Variants in MSI2 observed in about 807,000 individuals in gnomAD.
The protein encoded by MSI2 is musashi RNA binding protein 2.
MSI2 carries 17 observed loss-of-function variants against 45.6 expected under a neutral mutation model. The observed-to-expected ratio is 0.37, with a 90% CI of 0.26 to 0.56. MSI2 has a LOEUF of 0.56. MSI2 is among the 20% of genes least tolerant of loss of function. The pLI, the probability that MSI2 is intolerant of heterozygous loss-of-function variation, is 0.77. For synonymous variants in MSI2, 156 were observed against 158.2 expected (o/e 0.99, Z 0.11); for missense variants, 293 against 444.2 (o/e 0.66, Z 3.06).
intron 11 of MSI2, among the ~76,000 whole-genome samples, chr17:57,665,897 T>C (rs185253097): frequency 6.6e-6 from 1 of 152,292 alleles, no homozygotes; most frequent in East Asian, 1.9e-4. Flanking sequence ...GCAAGTCTGC[T>C]TATTCTTTGG....
chr17:57,316,939 G>GA (rs5821173), intron 5 of MSI2, among the ~76,000 whole-genome samples: 21,294 of 145,450 alleles, frequency 0.15, 2,914 homozygotes, highest in African/African-American at 0.35. Flanking sequence ...TTTGAGGCAG[G>GA]AAAAAAAAAA....
rs1913709255 is a variant in MSI2 at position 57,683,018 on chromosome 17, A to G, written c.*3501A>G. 1 of 229,748 alleles carries G rather than the reference A, an allele frequency of 4.4e-6. No individual in the cohort carries two copies. The highest frequency in any genetic ancestry group is 5.7e-5 in the Admixed American group (1 of 17,630). The allele number at this position is 229,748 out of a possible 1,614,324, so 14.2% of individuals were successfully genotyped here. A position where few individuals can be genotyped will look rare whatever the true frequency, so the allele number is the denominator to read the frequency against. ...CTGGGAACAAACAGCCTCGCGCTCTATACCAAACAGCCTCGCGCTCTATCC... is the reference window on the plus strand; with the variant it reads ...CTGGGAACAAACAGCCTCGCGCTCTGTACCAAACAGCCTCGCGCTCTATCC... On this transcript the variant is annotated 3_prime_UTR_variant, in exon 14 of 14. Transcript: ENST00000284073. The surrounding 1 kb of genome is among the most constrained non-coding windows in gnomAD (Gnocchi z 5.2).
At chr17:57,572,632 C>G (rs780599449) in intron 7 of MSI2, among the ~76,000 whole-genome samples, 18 of 152,304 alleles carry the variant, frequency 1.2e-4, no homozygotes, top group African/African-American at 4.3e-4. Flanking sequence ...TTGATTGAAT[C>G]GAAGGAGGCT....
chr17:57,452,171 C>G (rs984020740), intron 6 of MSI2, among the ~76,000 whole-genome samples: 1 of 152,214 alleles, frequency 6.6e-6, no homozygotes, highest in African/African-American at 2.4e-5. Flanking sequence ...CTTCCCTAGA[C>G]GGGAAATGGA....
chr17:57,595,903 C>T (rs1421543079), intron 7 of MSI2, among the ~76,000 whole-genome samples: 1 of 152,208 alleles, frequency 6.6e-6, no homozygotes. Context: ...CCAGATTAAA[C>T]ATAAAGTAGA....
chr17:57,282,702 G>A (rs772687323), intron 5 of MSI2, among the ~76,000 whole-genome samples: 27 of 151,680 alleles, frequency 1.8e-4, no homozygotes, highest in East Asian at 1.9e-4. Context: ...CTCTGTCACC[G>A]TAGGTAGATG....
At chr17:57,533,027 G>T (rs2144082516) in intron 7 of MSI2, among the ~76,000 whole-genome samples, 1 of 152,336 alleles carries the variant, frequency 6.6e-6, no homozygotes, top group East Asian at 1.9e-4. Flanking sequence ...TGAGCGTCAG[G>T]TGGGCCAGGC....
At chr17:57,449,206 G>A (rs946899019) in intron 6 of MSI2, 2 of 152,246 alleles carry the variant, frequency 1.3e-5, no homozygotes, top group African/African-American at 4.8e-5. Flanking sequence ...TGTACTCACT[G>A]AGCCTCCTTG....
intron 7 of MSI2, among the ~76,000 whole-genome samples, chr17:57,557,590 T>C (rs905841046): frequency 3.9e-5 from 6 of 152,258 alleles, no homozygotes; most frequent in African/African-American, 1.4e-4. Context: ...GGACAGGTTC[T>C]CTGGGCTGTT....
chr17:57,593,488 A>G lies in MSI2; in HGVS notation c.455-3380A>G, dbSNP rs533820685. Among the ~76,000 whole-genome samples the G allele has an allele frequency of 8.6e-5, 13 of 152,012 alleles. 1 individual carries two copies. In the South Asian group the frequency reaches 2.5e-3, roughly 29 times the overall value. On this transcript the variant is annotated intron_variant, in intron 7 of 13. Coordinates refer to ENST00000284073, the MANE Select transcript of MSI2 (RefSeq NM_138962.4). ...ATTCTCTGCCTACCTCTGTCTTCAC[A>G]TGGCCTTCTTCTCTTTCTCTGTGTC...
intron 6 of MSI2, among the ~76,000 whole-genome samples, chr17:57,468,764 CT>C (rs776634580): frequency 6.6e-6 from 1 of 152,044 alleles, no homozygotes; most frequent in Non-Finnish European, 1.5e-5. Context: ...ACGCGGGTCT[CT>C]TGGGCCTCAT....
At chr17:57,659,543 C>T (rs4793887) in intron 11 of MSI2, among the ~76,000 whole-genome samples, 75,542 of 151,968 alleles carry the variant, frequency 0.5, 19,598 homozygotes, top group East Asian at 0.86. Flanking sequence ...ACAGAATGGC[C>T]ATGTGACTTA....
chr17:57,271,617 T>G (rs1251374279), intron 5 of MSI2, among the ~76,000 whole-genome samples: 1 of 152,020 alleles, frequency 6.6e-6, no homozygotes, highest in Non-Finnish European at 1.5e-5. Context: ...TTCATCTGGG[T>G]TTTTACATTT....
intron 5 of MSI2, among the ~76,000 whole-genome samples, chr17:57,396,671 T>C (rs142623085): frequency 1.3e-5 from 2 of 152,284 alleles, no homozygotes; most frequent in African/African-American, 4.8e-5. Flanking sequence ...GGGTTTTCTT[T>C]ATGGAGCCAA....
rs77983949 is a variant in MSI2 at position 57,628,772 on chromosome 17, G to C, written c.727+1469G>C. ...CCCCATCTGGGAGGGGCCTCAACAA[G>C]ACTCCTCGGCCCGCACTAAGGAAGC... On this transcript the variant is annotated intron_variant, in intron 10 of 13. Transcript: ENST00000284073. The C allele has an allele frequency of 2.6e-3, 397 of 152,508 alleles. 2 individuals carry two copies. Among genetic ancestry groups the C allele is most frequent in the African/African-American group, 9.2e-3 (384 of 41,562 alleles). The allele number at this position is 152,508 out of a possible 1,614,324, so 9.4% of individuals were successfully genotyped here. A position where few individuals can be genotyped will look rare whatever the true frequency, so the allele number is the denominator to read the frequency against.
At chr17:57,690,149 G>GTT in the MSI2 span, among the ~76,000 whole-genome samples, 2 of 142,280 alleles carry the variant, frequency 1.4e-5, no homozygotes, top group Non-Finnish European at 3.1e-5. Context: ...GTATTGTTCA[G>GTT]TTTTTTTTTT....
chr17:57,348,496 C>G (rs991917913), intron 5 of MSI2, among the ~76,000 whole-genome samples: 2 of 152,210 alleles, frequency 1.3e-5, no homozygotes, highest in Non-Finnish European at 1.5e-5. Flanking sequence ...TAGTGTCATC[C>G]CCTTAGTCAT....
At chr17:57,277,865 A>C (rs1909010484) in intron 5 of MSI2, 1 of 152,230 alleles carries the variant, frequency 6.6e-6, no homozygotes, top group Non-Finnish European at 1.5e-5. Flanking sequence ...ATTTGACCAA[A>C]GGTTTCTGAG....
chr17:57,456,295 T>A (rs980686679), intron 6 of MSI2, among the ~76,000 whole-genome samples: 1 of 152,128 alleles, frequency 6.6e-6, no homozygotes, highest in African/African-American at 2.4e-5. Context: ...CCTCATAACA[T>A]CTCTATGAGG....
Sources: gnomAD v4.1 joint callset for allele counts (sites outside exome capture counted in the v4.1 genomes callset) on GRCh38, gnomAD v4.1.1 for gene constraint, Gnocchi (gnomAD v3.1) non-coding constraint, MANE v1.5 for transcripts, NCBI Gene and HGNC (gene_info 2026-07-23, HGNC 2026-07-21) for gene names.